The following LRRTM4 variants were observed in gnomAD, a reference collection of about 807,000 sequenced individuals.
LRRTM4 encodes the protein leucine-rich repeat transmembrane neuronal protein 4.
A neutral mutation model predicts 47.6 loss-of-function variants in LRRTM4; 25 were observed. The observed-to-expected ratio is 0.53, with a 90% confidence interval of 0.38 to 0.73. LRRTM4 has a LOEUF of 0.73. Ranked by LOEUF, LRRTM4 falls within the 30% of genes least tolerant of loss-of-function variation. The pLI, the probability that LRRTM4 is intolerant of heterozygous loss-of-function variation, is 0.00. For missense variants in LRRTM4, 638 were observed against 713.4 expected, an observed-to-expected ratio of 0.89 and a Z score of 1.20; for synonymous variants, 311 against 269.5, an observed-to-expected ratio of 1.15 and a Z score of -1.51.
chr2:77,445,678 A>G (rs980338006), intron 3 of LRRTM4, among the ~76,000 whole-genome samples: 4 of 152,036 alleles, frequency 2.6e-5, no homozygotes, highest in Non-Finnish European at 5.9e-5. Flanking sequence ...ACCATTTGTC[A>G]CAGTTACAAT....
intron 3 of LRRTM4, among the ~76,000 whole-genome samples, chr2:77,161,372 G>A (rs1425556213): frequency 6.6e-6 from 1 of 152,120 alleles, no homozygotes; most frequent in Non-Finnish European, 1.5e-5. Context: ...GCCTCTGCCA[G>A]TCAAATCATT....
intron 3 of LRRTM4, among the ~76,000 whole-genome samples, chr2:76,989,050 CCAA>C (rs1329292233): frequency 6.6e-6 from 1 of 151,620 alleles, no homozygotes; most frequent in Non-Finnish European, 1.5e-5. Context: ...ATAATTTTTC[CCAA>C]CAATTTCAAT....
At chr2:76,874,379 C>T (rs1672721763) in intron 3 of LRRTM4, among the ~76,000 whole-genome samples, 1 of 151,930 alleles carries the variant, frequency 6.6e-6, no homozygotes, top group Non-Finnish European at 1.5e-5. Context: ...CTGTAATCAC[C>T]TTGAGGGCAA....
At chr2:77,362,726 G>A (rs987972189) in intron 3 of LRRTM4, among the ~76,000 whole-genome samples, 1 of 152,142 alleles carries the variant, frequency 6.6e-6, no homozygotes, top group Non-Finnish European at 1.5e-5. Flanking sequence ...CCATAAGACT[G>A]TGGCTACTCC....
intron 3 of LRRTM4, among the ~76,000 whole-genome samples, chr2:76,873,867 C>A (rs976050269): frequency 6.6e-6 from 1 of 151,794 alleles, no homozygotes; most frequent in Non-Finnish European, 1.5e-5. Context: ...ATACATGTAA[C>A]TACTGATTAT....
chr2:77,207,729 A>G (rs1674178036), intron 3 of LRRTM4, among the ~76,000 whole-genome samples: 3 of 152,058 alleles, frequency 2.0e-5, no homozygotes, highest in African/African-American at 7.2e-5. Flanking sequence ...CAACTCATAA[A>G]TAAACTATGT....
intron 3 of LRRTM4, among the ~76,000 whole-genome samples, chr2:76,780,737 C>T (rs1401654505): frequency 1.3e-5 from 2 of 152,146 alleles, no homozygotes; most frequent in South Asian, 2.1e-4. Flanking sequence ...ATTTGATTGT[C>T]TGAAGTCTTC....
intron 3 of LRRTM4, among the ~76,000 whole-genome samples, chr2:77,033,468 G>A (rs916179333): frequency 7.3e-5 from 11 of 151,588 alleles, no homozygotes; most frequent in Admixed American, 1.3e-4. Flanking sequence ...ATATGATATC[G>A]GCCATGGAGC....
chr2:76,900,454 T>G (rs1328598136), intron 3 of LRRTM4, among the ~76,000 whole-genome samples: 1 of 152,166 alleles, frequency 6.6e-6, no homozygotes, highest in African/African-American at 2.4e-5. Flanking sequence ...TCACATTAAG[T>G]TATATATTTA....
rs1192528889 is a variant in LRRTM4 at position 76,911,949 on chromosome 2, G to T, written c.1552-163033C>A. 2.5e-3 allele frequency among the ~76,000 whole-genome samples: 268 copies of T among 105,716 alleles called. 8 individuals carry two copies. The highest frequency in any genetic ancestry group is 8.8e-3 in the African/African-American group (258 of 29,354). 69.4% of individuals were successfully genotyped at this position (105,716 alleles called of 152,430 possible). A position where few individuals can be genotyped will look rare whatever the true frequency, so the allele number is the denominator to read the frequency against. ...TATGTGCTTTTTGGGGGGGGGGGGG[G>T]GACAGAGTCTCGCTCTGTCGCCCAG... On this transcript the variant is annotated intron_variant, in intron 3 of 3. Coordinates refer to ENST00000409884, the MANE Select transcript of LRRTM4 (RefSeq NM_001134745.3).
rs545647572 is a variant in LRRTM4, at chr2:77,198,621, G to A, written c.1551+319697C>T. Among the ~76,000 whole-genome samples, 4 of 152,230 alleles carry A rather than the reference G, an allele frequency of 2.6e-5. No homozygotes were observed. In the South Asian group the frequency reaches 8.3e-4, roughly 32 times the overall value. On this transcript the variant is annotated intron_variant, in intron 3 of 3. Transcript: ENST00000409884. ...GAGCATGAAAAACCTAGATATATTT[G>A]GTACAGAATTTATAAACCAGACTTG... is the stretch of plus-strand genomic sequence containing the variant.
chr2:76,912,976 G>A (rs989117539), intron 3 of LRRTM4, among the ~76,000 whole-genome samples: 1 of 152,156 alleles, frequency 6.6e-6, no homozygotes, highest in African/African-American at 2.4e-5. Context: ...AAATTACCCA[G>A]TCCCAAGGAT....
chr2:76,937,466 T>A (rs1674995049), intron 3 of LRRTM4, among the ~76,000 whole-genome samples: 1 of 152,228 alleles, frequency 6.6e-6, no homozygotes, highest in African/African-American at 2.4e-5. Context: ...CTTGCTCATC[T>A]TTTTAAAACT....
rs1680707054 is a variant in LRRTM4, at chr2:77,086,215, G to A, written c.1552-337299C>T. 2.6e-5 allele frequency among the ~76,000 whole-genome samples: 4 copies of A among 152,234 alleles called. No homozygotes were observed. The South Asian group carries it at 8.3e-4, about 32-fold the overall frequency. On this transcript the variant is annotated intron_variant, in intron 3 of 3. Transcript: ENST00000409884. Reference sequence around the variant, plus strand: ...TTAATCCTGACAGCCATCCAAGGAAGTAGAAACTGTTATGTTTATTTTGTA... The same window carrying A: ...TTAATCCTGACAGCCATCCAAGGAAATAGAAACTGTTATGTTTATTTTGTA...
chr2:77,023,720 C>A (rs145485261), intron 3 of LRRTM4, among the ~76,000 whole-genome samples: 69 of 152,322 alleles, frequency 4.5e-4, no homozygotes, highest in African/African-American at 1.6e-3. Flanking sequence ...GAGGCCACCT[C>A]AACCAGCATT....
At chr2:77,354,986 A>G (rs924384555) in intron 3 of LRRTM4, among the ~76,000 whole-genome samples, 33 of 152,258 alleles carry the variant, frequency 2.2e-4, no homozygotes, top group African/African-American at 7.7e-4. Flanking sequence ...AACAATTTAT[A>G]CAACTGCACA....
chr2:77,215,792 G>C (rs1674419102), intron 3 of LRRTM4, among the ~76,000 whole-genome samples: 1 of 152,098 alleles, frequency 6.6e-6, no homozygotes, highest in Non-Finnish European at 1.5e-5. Flanking sequence ...GATTTTAATT[G>C]CCACTGCTGA....
intron 3 of LRRTM4, among the ~76,000 whole-genome samples, chr2:77,134,894 T>G (rs1176786): frequency 0.6 from 91,048 of 151,996 alleles, 27,868 homozygotes; most frequent in African/African-American, 0.71. Context: ...ATGAAAAGAT[T>G]CAATGTGCTC....
At chr2:77,236,008 T>C (rs914296634) in intron 3 of LRRTM4, among the ~76,000 whole-genome samples, 15 of 152,150 alleles carry the variant, frequency 9.9e-5, no homozygotes, top group African/African-American at 3.6e-4. Flanking sequence ...TGAATTCCTT[T>C]TTCGTTCCAT....
Sources: allele counts gnomAD v4.1 joint callset (sites outside exome capture counted in the v4.1 genomes callset), GRCh38; gene constraint gnomAD v4.1.1; transcripts MANE v1.5; gene names NCBI Gene and HGNC (gene_info 2026-07-23, HGNC 2026-07-21).